Variants in ICE2 observed in about 807,000 individuals in gnomAD.
ICE2 encodes little elongation complex subunit 2.
ICE2 carries 87 observed loss-of-function variants against 105.4 expected under a neutral mutation model. The observed-to-expected ratio is 0.83, with a 90% CI of 0.69 to 0.99. ICE2 has a LOEUF of 0.99. Ranked by LOEUF, ICE2 falls within the 50% of genes least tolerant of loss-of-function variation. ICE2 has a pLI of 0.00. For synonymous variants in ICE2, 399 were observed against 392.0 expected, an observed-to-expected ratio of 1.02 and a Z score of -0.21; for missense variants, 1,323 against 1,146.7, an observed-to-expected ratio of 1.15 and a Z score of -2.22.
At chr15:60,471,250 GAC>G (rs2064586216) in intron 3 of ICE2, among the ~76,000 whole-genome samples, 1 of 152,100 alleles carries the variant, frequency 6.6e-6, no homozygotes, top group Non-Finnish European at 1.5e-5. Context: ...GTAAAAAAAA[GAC>G]ACAGCTACTA....
rs2063243552 is a variant in ICE2, at chr15:60,421,683, A to G, written c.*1951T>C. On this transcript the variant is annotated 3_prime_UTR_variant, in exon 16 of 16. Coordinates refer to ENST00000261520, the MANE Select transcript of ICE2 (RefSeq NM_024611.6). ...ATTAAAAATAAAATAAAAAAGTGTAAGAGTACATTTCAAGGGAATCCCTGC... is the reference window on the plus strand; with the variant it reads ...ATTAAAAATAAAATAAAAAAGTGTAGGAGTACATTTCAAGGGAATCCCTGC... The G allele has an allele frequency of 6.6e-6, 1 of 152,174 alleles. No homozygotes were observed. Among genetic ancestry groups the G allele is most frequent in the Non-Finnish European group, 1.5e-5 (1 of 68,026 alleles). 9.4% of individuals were successfully genotyped at this position (152,174 alleles called of 1,614,324 possible). A position where few individuals can be genotyped will look rare whatever the true frequency, so the allele number is the denominator to read the frequency against.
At chr15:60,445,696 G>A (rs750106014) in intron 11 of ICE2, 1 of 984,892 alleles carries the variant, frequency 1.0e-6, no homozygotes, top group South Asian at 4.7e-5. Flanking sequence ...TCCTTACCAA[G>A]CTGTCTTGTT....
At chr15:60,465,955 C>G (rs2064414969) in intron 5 of ICE2, among the ~76,000 whole-genome samples, 1 of 151,748 alleles carries the variant, frequency 6.6e-6, no homozygotes, top group Non-Finnish European at 1.5e-5. Flanking sequence ...TTTCACTATG[C>G]TGACCAGGCT....
At chr15:60,450,174 G>A (rs1008065418) in intron 9 of ICE2, among the ~76,000 whole-genome samples, 1 of 152,100 alleles carries the variant, frequency 6.6e-6, no homozygotes, top group East Asian at 1.9e-4. Context: ...GGGCCAAACG[G>A]GAGGCAGATT....
At position 60,423,743 on chromosome 15, in the gene ICE2, G is replaced by C; in HGVS notation, c.2840C>G (p.Pro947Arg). The change falls in exon 16 of 16, where the codon CCT (proline) becomes CGT (arginine). Residue 947 changes from proline (P) to arginine (R), a missense_variant. Pro to Arg is a moderately radical substitution (Grantham distance 103). Coordinates refer to ENST00000261520, the MANE Select transcript of ICE2 (RefSeq NM_024611.6). The part of the protein sequence containing the change: ...TQQKIGGTRM[P>R]TRSHRNPVSM... ...AACTGGATTCCTGTGGCTGCGTGTA[G>C]GCATTCTCGTTCCACCAATCTAAGA... The C allele has an allele frequency of 6.3e-7, 1 of 1,594,432 alleles. No homozygotes were observed. The highest frequency in any genetic ancestry group is 8.5e-7 in the Non-Finnish European group (1 of 1,173,822).
chr15:60,473,587 C>T (rs2064671063), intron 3 of ICE2, among the ~76,000 whole-genome samples: 1 of 152,076 alleles, frequency 6.6e-6, no homozygotes, highest in Non-Finnish European at 1.5e-5. Context: ...GCCACCTACG[C>T]CTGACCTGAG....
intron 5 of ICE2, 106 bp downstream of exon 5, chr15:60,466,488 G>T: frequency 8.4e-6 from 11 of 1,311,530 alleles, no homozygotes; most frequent in South Asian, 6.7e-5. Flanking sequence ...TTTTAAATTG[G>T]TAACACTGAC....
At chr15:60,458,160 C>T (rs547438452) in intron 5 of ICE2, among the ~76,000 whole-genome samples, 5 of 152,134 alleles carry the variant, frequency 3.3e-5, no homozygotes, top group East Asian at 1.9e-4. Flanking sequence ...GGTAGGTATT[C>T]GATCAACTAA....
chr15:60,467,201 G>C (rs1357170973), intron 4 of ICE2, among the ~76,000 whole-genome samples: 1 of 152,134 alleles, frequency 6.6e-6, no homozygotes, highest in African/African-American at 2.4e-5. Flanking sequence ...GATCTCAGGT[G>C]ATCTACCTGC....
In ICE2 at chr15:60,449,061, T is replaced by C; in HGVS notation, c.1906A>G (p.Lys636Glu). Residue 636 changes from lysine (K) to glutamate (E), a missense_variant, in exon 10 of 16, where the codon AAA (lysine) becomes GAA (glutamate). Coordinates refer to ENST00000261520, the MANE Select transcript of ICE2 (RefSeq NM_024611.6). ...GGATCAAATTTTTTATATACTCGTT[T>C]GATAGGTTTTTTTAAAACACATGAC... ...EESCVLKKPI[K>E]RVYKKFDPVG... The C allele has an allele frequency of 6.2e-7, 1 of 1,613,546 alleles. No individual in the cohort carries two copies. Among genetic ancestry groups the C allele is most frequent in the Non-Finnish European group, 8.5e-7 (1 of 1,179,730 alleles).
chr15:60,456,444 T>G (rs1464921630), intron 6 of ICE2, among the ~76,000 whole-genome samples: 3 of 148,170 alleles, frequency 2.0e-5, no homozygotes, highest in Non-Finnish European at 4.5e-5. Flanking sequence ...CTTGGGAGGC[T>G]AAGGCAGGAG....
chr15:60,470,263 G>A (rs1489939923), intron 3 of ICE2, among the ~76,000 whole-genome samples: 2 of 152,162 alleles, frequency 1.3e-5, no homozygotes, highest in South Asian at 2.1e-4. Context: ...TGGGACTATG[G>A]AGAACTTAGG....
intron 4 of ICE2, among the ~76,000 whole-genome samples, chr15:60,467,501 T>C (rs970421952): frequency 5.3e-5 from 8 of 152,200 alleles, no homozygotes; most frequent in Non-Finnish European, 1.0e-4. Context: ...TTAAATTTGA[T>C]TTCGATTTTC....
rs753922542 is a variant in ICE2 at position 60,442,518 on chromosome 15, C to A, written c.2323G>T (p.Val775Leu). Reference protein sequence around the residue: ...RQFPVYVLPKVEYQACYGVEA... With the variant: ...RQFPVYVLPKLEYQACYGVEA... ...ACTCCATAACAAGCTTGATACTCTA[C>A]TTTTGGTAGTACATAAACTGGAAAT... Residue 775 changes from valine (V) to leucine (L), a missense_variant, in exon 12 of 16, where the codon GTA becomes TTA. Coordinates refer to ENST00000261520, the MANE Select transcript of ICE2 (RefSeq NM_024611.6). 1 of 1,582,408 alleles carries A rather than the reference C, an allele frequency of 6.3e-7. No individual in the cohort carries two copies. The highest frequency in any genetic ancestry group is 8.5e-7 in the Non-Finnish European group (1 of 1,172,048).
rs1566961682 is a variant in ICE2, at chr15:60,420,965, TGCAGA to T, written c.*2664_*2668del. The stretch of plus-strand genomic sequence containing the variant: ...AACAAAACAAATATGCCCCTGTCCT[TGCAGA>T]GCTTGTAATCTATAAGAAAAGAAAA... On this transcript the variant is annotated 3_prime_UTR_variant, in exon 16 of 16. Transcript: ENST00000261520. The T allele has an allele frequency of 6.6e-6, 1 of 152,020 alleles. No homozygotes were observed. The highest frequency in any genetic ancestry group is 2.4e-5 in the African/African-American group (1 of 41,292). The allele number at this position is 152,020 out of a possible 1,614,324, so 9.4% of individuals were successfully genotyped here.
rs1387358442 is a variant in ICE2 at position 60,468,276 on chromosome 15, C to T, written c.193G>A (p.Glu65Lys). Reference protein sequence around the residue: ...LNASASSVENEPAVSSATQAK... With the variant: ...LNASASSVENKPAVSSATQAK... ...TGAGTTGCTGAACTAACTGCCGGCT[C>T]ATTTTCTACAGAACTTGCTGAGGCA... Residue 65 changes from glutamate (E) to lysine (K), a missense_variant, in exon 4 of 16, where the codon GAG becomes AAG. Glu to Lys is a moderately conservative substitution (Grantham distance 56, BLOSUM62 1). Transcript: ENST00000261520. The T allele has an allele frequency of 1.9e-6, 3 of 1,612,926 alleles. No homozygotes were observed.
At chr15:60,428,377 T>G in intron 15 of ICE2, 52 bp downstream of exon 15, 1 of 1,555,786 alleles carries the variant, frequency 6.4e-7, no homozygotes, top group Non-Finnish European at 8.7e-7. Flanking sequence ...GTCAGTGAAA[T>G]AGACGAATAA....
At chr15:60,478,354 T>C (rs1318861155) in intron 1 of ICE2, among the ~76,000 whole-genome samples, 1 of 152,238 alleles carries the variant, frequency 6.6e-6, no homozygotes, top group African/African-American at 2.4e-5. Context: ...GGCCACTTGA[T>C]GGCATGGAAC....
intron 5 of ICE2, among the ~76,000 whole-genome samples, chr15:60,463,280 G>C (rs2064330704): frequency 6.6e-6 from 1 of 152,186 alleles, no homozygotes; most frequent in African/African-American, 2.4e-5. Flanking sequence ...TTTCTTAAGA[G>C]TACTGCTTAG....
Sources: gnomAD v4.1 joint callset for allele counts (sites outside exome capture counted in the v4.1 genomes callset) on GRCh38, gnomAD v4.1.1 for gene constraint, MANE v1.5 for transcripts, NCBI Gene and HGNC (gene_info 2026-07-23, HGNC 2026-07-21) for gene names.